The following SLC27A2 variants were observed in gnomAD, a reference collection of about 807,000 sequenced individuals.
SLC27A2 encodes the protein solute carrier family 27 member 2, also known as long-chain fatty acid transport protein 2.
A neutral mutation model predicts 60.0 loss-of-function variants in SLC27A2; 54 were observed. The ratio of observed to expected loss-of-function variants is 0.90; its 90% confidence interval spans 0.72 to 1.13. The LOEUF (loss-of-function observed/expected upper bound fraction) is 1.13, where lower values mean the gene tolerates loss of function less well. Among genes scored for constraint, SLC27A2 ranks in the 50% most tolerant of loss-of-function variants. The pLI is 0.00. For missense variants in SLC27A2, 739 were observed against 777.6 expected, an observed-to-expected ratio of 0.95 and a Z score of 0.59; for synonymous variants, 297 against 297.6, an observed-to-expected ratio of 1.00 and a Z score of 0.02.
chr15:50,197,760 T>C (rs1412532893), intron 2 of SLC27A2, 51 bp downstream of exon 2: 1 of 1,341,486 alleles, frequency 7.5e-7, no homozygotes, highest in South Asian at 1.2e-5. Context: ...AGGAGTTAAA[T>C]GTTGACACAG....
intron 1 of SLC27A2, among the ~76,000 whole-genome samples, chr15:50,186,700 G>A (rs1464252696): frequency 6.6e-6 from 1 of 152,188 alleles, no homozygotes; most frequent in Non-Finnish European, 1.5e-5. Flanking sequence ...TCCTCCCAAA[G>A]TGCTGGGATT....
rs1252235260 is a variant in SLC27A2 at position 50,227,011 on chromosome 15, A to G, written c.1290A>G (p.Thr430=). Residue 430 remains threonine, a synonymous_variant, in exon 7 of 10, where the codon ACA becomes ACG. Transcript: ENST00000267842. The part of the protein sequence containing the change: ...GEVGLLVCKI[T]QLTPFNGYAG... ...TTGGACTTCTGGTTTGCAAAATCACACAACTTACACCATTTAATGGCTATG... is the reference window on the plus strand; with the variant it reads ...TTGGACTTCTGGTTTGCAAAATCACGCAACTTACACCATTTAATGGCTATG... 1.2e-6 allele frequency: 2 copies of G among 1,613,990 alleles called. No homozygotes were observed. Among genetic ancestry groups the G allele is most frequent in the South Asian group, 2.2e-5 (2 of 90,978 alleles).
chr15:50,212,519 A>G (rs868706332), intron 4 of SLC27A2, among the ~76,000 whole-genome samples: 2 of 152,232 alleles, frequency 1.3e-5, no homozygotes, highest in Admixed American at 6.5e-5. Context: ...GACCAAGGAA[A>G]GAATCTTAAG....
chr15:50,221,355 C>T (rs1034891938), intron 4 of SLC27A2, among the ~76,000 whole-genome samples: 5 of 152,144 alleles, frequency 3.3e-5, no homozygotes, highest in African/African-American at 9.7e-5. Flanking sequence ...ACATTTCCTC[C>T]TCAGAATGAC....
chr15:50,188,957 A>G (rs1386987612), intron 1 of SLC27A2, among the ~76,000 whole-genome samples: 1 of 147,138 alleles, frequency 6.8e-6, no homozygotes, highest in Non-Finnish European at 1.5e-5. Context: ...GAGACTGTCT[A>G]GATAGGTAGA....
At chr15:50,196,063 A>AAAAATAAAAAAAAAAAAAAT (rs1344790169) in intron 1 of SLC27A2, among the ~76,000 whole-genome samples, 2 of 19,738 alleles carry the variant, frequency 1.0e-4, no homozygotes, top group Non-Finnish European at 2.1e-4. Context: ...CAAAAAAAAA[A>AAAAATAAAAAAAAAAAAAAT]AAAAAAAAAA....
At chr15:50,203,887 C>T (rs1171040672) in intron 3 of SLC27A2, among the ~76,000 whole-genome samples, 1 of 151,990 alleles carries the variant, frequency 6.6e-6, no homozygotes, top group Non-Finnish European at 1.5e-5. Flanking sequence ...ATGACCATCC[C>T]CAAACCAGGA....
At chr15:50,226,955 A>G (rs1463475779) in intron 6 of SLC27A2, 25 bp from the exon 7 acceptor site, 2 of 1,598,884 alleles carry the variant, frequency 1.3e-6, no homozygotes, top group Admixed American at 1.7e-5. Context: ...AGCACATAAA[A>G]TAAGTTTACT....
rs773900071 is a variant in SLC27A2 at position 50,205,311 on chromosome 15, C to T, written c.920C>T (p.Thr307Ile). Residue 307 changes from threonine to isoleucine, a missense_variant, in exon 4 of 10, where the codon ACT becomes ATT. Physicochemically the swap from Thr to Ile is moderately conservative, Grantham distance 89. Coordinates refer to ENST00000267842, the MANE Select transcript of SLC27A2 (RefSeq NM_003645.4). ...GATGACTGCAGAAAATACAACGTCA[C>T]TGTCATTCAGTATATCGGTGAACTG... The part of the protein sequence containing the change: ...FWDDCRKYNV[T>I]VIQYIGELLR... The T allele has an allele frequency of 8.1e-6, 13 of 1,611,204 alleles. No homozygotes were observed. In the South Asian group the frequency reaches 1.1e-4, roughly 14 times the overall value.
chr15:50,227,156 G>A lies in SLC27A2; in HGVS notation c.1435G>A (p.Asp479Asn), dbSNP rs373324897. The change falls in exon 7 of 10, where the codon GAC becomes AAC. Residue 479 changes from aspartate (D) to asparagine (N), a missense_variant. Transcript: ENST00000267842. ...CCATGAAAATTTCATCTATTTCCAC[G>A]ACAGAGTTGGAGATACATTCCGGTT... is the stretch of plus-strand genomic sequence containing the variant. ...VDHENFIYFHDRVGDTFRWKG... is the reference protein window; with the variant it reads ...VDHENFIYFHNRVGDTFRWKG... 55 of 1,613,858 alleles carry A rather than the reference G, an allele frequency of 3.4e-5. 1 individual carries two copies. In the South Asian group the frequency reaches 4.2e-4, roughly 12 times the overall value.
intron 1 of SLC27A2, among the ~76,000 whole-genome samples, chr15:50,188,981 A>AG (rs1429044058): frequency 2.6e-3 from 299 of 115,416 alleles, no homozygotes; most frequent in African/African-American, 0.01. Context: ...ATAGATAGAT[A>AG]AATAGATAGA....
At chr15:50,213,781 C>T (rs1480304336) in intron 4 of SLC27A2, among the ~76,000 whole-genome samples, 1 of 151,824 alleles carries the variant, frequency 6.6e-6, no homozygotes, top group Non-Finnish European at 1.5e-5. Context: ...ATGACACAAC[C>T]CATCAAAACC....
rs1288491859 is a variant in SLC27A2, at chr15:50,196,111, T to A, written c.479-1389T>A. On this transcript the variant is annotated intron_variant, in intron 1 of 9. Transcript: ENST00000267842. ...ATATATATATATATATATATATATA[T>A]ATATATATATATATGTATGTACATT... is the stretch of plus-strand genomic sequence containing the variant. 7.6e-4 allele frequency among the ~76,000 whole-genome samples: 68 copies of A among 89,018 alleles called. 2 individuals carry two copies. The highest frequency in any genetic ancestry group is 1.2e-3 in the Non-Finnish European group (55 of 45,080). 58.4% of individuals were successfully genotyped at this position (89,018 alleles called of 152,430 possible). A position where few individuals can be genotyped will look rare whatever the true frequency, so the allele number is the denominator to read the frequency against.
chr15:50,234,258 C>G (rs1007373793), intron 9 of SLC27A2, among the ~76,000 whole-genome samples: 2 of 151,988 alleles, frequency 1.3e-5, no homozygotes, highest in African/African-American at 4.8e-5. Flanking sequence ...CCAGCCTAGG[C>G]AACGTAGTGA....
At chr15:50,199,532 G>A (rs1238262757) in intron 2 of SLC27A2, among the ~76,000 whole-genome samples, 3 of 150,862 alleles carry the variant, frequency 2.0e-5, no homozygotes, top group African/African-American at 7.3e-5. Flanking sequence ...GGAGAAAAAA[G>A]AGAATGAGCA....
chr15:50,228,159 C>T (rs531124303), intron 7 of SLC27A2, among the ~76,000 whole-genome samples: 1 of 152,180 alleles, frequency 6.6e-6, no homozygotes, highest in South Asian at 2.1e-4. Context: ...GGGTGGATCA[C>T]CTGAGGTCAG....
At chr15:50,214,010 A>G (rs1246450938) in intron 4 of SLC27A2, among the ~76,000 whole-genome samples, 1 of 151,632 alleles carries the variant, frequency 6.6e-6, no homozygotes, top group Non-Finnish European at 1.5e-5. Context: ...AAAAAAAAAG[A>G]TAAATGAAAC....
At chr15:50,197,827 T>G in intron 2 of SLC27A2, 118 bp downstream of exon 2, 1 of 702,302 alleles carries the variant, frequency 1.4e-6, no homozygotes, top group East Asian at 2.7e-5. Context: ...TTCAGGAGAT[T>G]TAGTTATTTG....
At chr15:50,219,889 T>G (rs1567435618) in intron 4 of SLC27A2, among the ~76,000 whole-genome samples, 1 of 151,980 alleles carries the variant, frequency 6.6e-6, no homozygotes, top group Non-Finnish European at 1.5e-5. Flanking sequence ...TTTTCTTGTT[T>G]AAAAAAAATA....
Sources: allele counts gnomAD v4.1 joint callset (sites outside exome capture counted in the v4.1 genomes callset), GRCh38; gene constraint gnomAD v4.1.1; transcripts MANE v1.5; gene names NCBI Gene and HGNC (gene_info 2026-07-23, HGNC 2026-07-21).